ULK2: variants seen among roughly 807,000 people sequenced by gnomAD.
ULK2 encodes the protein unc-51 like autophagy activating kinase 2, also known as serine/threonine-protein kinase ULK2.
In ULK2, 76 loss-of-function variants were observed where a neutral mutation model predicts 127.5. The ratio of observed to expected loss-of-function variants is 0.60; its 90% CI spans 0.50 to 0.72. The LOEUF is 0.72. Ranked by LOEUF, ULK2 falls within the 30% of genes least tolerant of loss-of-function variation. ULK2 has a pLI of 0.00. For missense variants in ULK2, 1,144 were observed against 1,295.9 expected (o/e 0.88, Z 1.80); for synonymous variants, 452 against 461.9 (o/e 0.98, Z 0.28).
intron 14 of ULK2, among the ~76,000 whole-genome samples, chr17:19,807,774 C>T (rs1457276048): frequency 6.6e-6 from 1 of 152,142 alleles, no homozygotes; most frequent in East Asian, 1.9e-4. Flanking sequence ...ATTTGCTTAT[C>T]CCCGTGGTTC....
chr17:19,804,493 TATC>T (rs1198906677), intron 15 of ULK2, among the ~76,000 whole-genome samples, 197 bp downstream of exon 15: 3 of 151,902 alleles, frequency 2.0e-5, no homozygotes, highest in Non-Finnish European at 2.9e-5. Context: ...AATATATACA[TATC>T]ATACTATATT....
Position 19,829,548 on chromosome 17 carries a change from A to AAGGGGGGGG in ULK2, c.788-3363_788-3362insCCCCCCCCT. ...TGAGACCCTGTCAAGGAAAAAAAAA[A>AAGGGGGGGG]GGGGGGGGGCTGGGCACGGTAGCTC... is the stretch of plus-strand genomic sequence containing the variant. On this transcript the variant is annotated intron_variant, in intron 10 of 26. Transcript: ENST00000395544. 3.7e-3 allele frequency among the ~76,000 whole-genome samples: 95 copies of AAGGGGGGGG among 25,508 alleles called. 16 individuals are homozygous for AAGGGGGGGG. Among genetic ancestry groups the AAGGGGGGGG allele is most frequent in the Non-Finnish European group, 5.5e-3 (63 of 11,450 alleles). 16.7% of individuals were successfully genotyped at this position (25,508 alleles called of 152,430 possible). A position where few individuals can be genotyped will look rare whatever the true frequency, so the allele number is the denominator to read the frequency against.
intron 17 of ULK2, among the ~76,000 whole-genome samples, chr17:19,798,961 G>T (rs2087335045): frequency 6.6e-6 from 1 of 151,900 alleles, no homozygotes. Context: ...AGGAGTTCGA[G>T]ACTAGCCTGG....
intron 1 of ULK2, among the ~76,000 whole-genome samples, chr17:19,866,483 C>A (rs1281524516): frequency 6.6e-6 from 1 of 151,966 alleles, no homozygotes. Context: ...ACTCCAGCCT[C>A]GGCGACAAAG....
At chr17:19,862,778 T>C (rs2042270342) in intron 3 of ULK2, among the ~76,000 whole-genome samples, 3 of 152,104 alleles carry the variant, frequency 2.0e-5, no homozygotes, top group Non-Finnish European at 2.9e-5. Flanking sequence ...AAAATGACAG[T>C]ATTTTTTAAA....
chr17:19,785,560 C>T (rs1021768670), intron 21 of ULK2, among the ~76,000 whole-genome samples: 4 of 151,650 alleles, frequency 2.6e-5, no homozygotes, highest in South Asian at 2.1e-4. Context: ...AAAACCAAAC[C>T]TATAATTTTC....
Position 19,796,081 on chromosome 17 carries a change from A to G in ULK2, c.1997+14T>C. 1 of 1,592,454 alleles carries G rather than the reference A, an allele frequency of 6.3e-7. No individual in the cohort carries two copies. Among genetic ancestry groups the G allele is most frequent in the Non-Finnish European group, 8.5e-7 (1 of 1,172,030 alleles). ...GTTTTCATGTTTAATGCTAGAATGG[A>G]AACAGTCTTTTACCTGCCAAACACT... is the stretch of plus-strand genomic sequence containing the variant. On this transcript the variant is annotated intron_variant, in intron 19 of 26. Transcript: ENST00000395544.
At chr17:19,829,838 C>CAAA (rs60131689) in intron 10 of ULK2, among the ~76,000 whole-genome samples, 11 of 120,572 alleles carry the variant, frequency 9.1e-5, no homozygotes, top group African/African-American at 3.2e-4. Flanking sequence ...GACTCCATTT[C>CAAA]AAAAAAAAAA....
At chr17:19,823,262 A>G (rs1285226273) in intron 12 of ULK2, among the ~76,000 whole-genome samples, 3 of 151,838 alleles carry the variant, frequency 2.0e-5, no homozygotes, top group Admixed American at 6.6e-5. Context: ...ACATCTAAAA[A>G]AGACTTTCTC....
chr17:19,806,589 G>A lies in ULK2; in HGVS notation c.1158-1759C>T, dbSNP rs191650922. On this transcript the variant is annotated intron_variant, in intron 14 of 26. Coordinates refer to ENST00000395544, the MANE Select transcript of ULK2 (RefSeq NM_014683.4). ...GGACCTGCAAGCAGACTTGCTCAGG[G>A]TCTAGAAAGTCTTCCCTGGACAAAT... Among the ~76,000 whole-genome samples, 100 of 152,294 alleles carry A rather than the reference G, an allele frequency of 6.6e-4. 2 individuals carry two copies. The highest frequency in any genetic ancestry group is 1.2e-4 in the Non-Finnish European group (8 of 68,030).
chr17:19,825,212 C>A, intron 11 of ULK2, 30 bp from the exon 12 acceptor site: 1 of 1,587,042 alleles, frequency 6.3e-7, no homozygotes, highest in Non-Finnish European at 8.6e-7. Context: ...TGAACTACAT[C>A]ATTTTGTAGT....
chr17:19,839,832 A>G (rs2041694573), intron 9 of ULK2, among the ~76,000 whole-genome samples: 1 of 152,138 alleles, frequency 6.6e-6, no homozygotes, highest in Non-Finnish European at 1.5e-5. Context: ...AATGAGGGAA[A>G]AGGAGCAGTC....
At chr17:19,846,678 G>T in intron 6 of ULK2, 59 bp downstream of exon 6, 1 of 1,449,428 alleles carries the variant, frequency 6.9e-7, no homozygotes, top group Non-Finnish European at 9.2e-7. Context: ...CAAAGCTAAA[G>T]TTGTCTAAAA....
At chr17:19,816,603 A>C in intron 13 of ULK2, 146 bp downstream of exon 13, 1 of 708,830 alleles carries the variant, frequency 1.4e-6, no homozygotes, top group South Asian at 5.1e-5. Flanking sequence ...AAAGGTAGGA[A>C]TATAATTCTG....
Position 19,826,182 on chromosome 17 carries a change from T to A in ULK2, c.792A>T (p.Ala264=). Residue 264 remains alanine, a synonymous_variant, in exon 11 of 27, where the codon GCA becomes GCT. Coordinates refer to ENST00000395544, the MANE Select transcript of ULK2 (RefSeq NM_014683.4). ...GCTCAAGAAAAGGATGGCTAAAAAATGCTTCTGTAACAAGAAATGAGAATG... is the reference window on the plus strand; with the variant it reads ...GCTCAAGAAAAGGATGGCTAAAAAAAGCTTCTGTAACAAGAAATGAGAATG... ...RNQKDRMDFE[A]FFSHPFLEQG... 2 of 1,462,452 alleles carry A rather than the reference T, an allele frequency of 1.4e-6. No homozygotes were observed. Among genetic ancestry groups the A allele is most frequent in the Middle Eastern group, 1.8e-4 (1 of 5,540 alleles). 90.6% of individuals were successfully genotyped at this position (1,462,452 alleles called of 1,614,324 possible).
At chr17:19,840,173 G>T in intron 9 of ULK2, 1 of 476,280 alleles carries the variant, frequency 2.1e-6, no homozygotes, top group South Asian at 1.5e-5. Flanking sequence ...CTGTGCCCCC[G>T]ACCCTCAACC....
chr17:19,837,706 A>C (rs759556456), intron 10 of ULK2, among the ~76,000 whole-genome samples: 13 of 152,090 alleles, frequency 8.5e-5, no homozygotes, highest in Non-Finnish European at 1.8e-4. Context: ...CCTCACATTC[A>C]ATCTATCAGT....
intron 3 of ULK2, among the ~76,000 whole-genome samples, chr17:19,851,949 G>C (rs534168931): frequency 6.6e-6 from 1 of 151,112 alleles, no homozygotes; most frequent in Non-Finnish European, 1.5e-5. Context: ...AGGAGGCTGA[G>C]GCAGGAGAAT....
intron 3 of ULK2, among the ~76,000 whole-genome samples, chr17:19,856,487 C>A (rs2042128847): frequency 6.6e-6 from 1 of 150,756 alleles, no homozygotes; most frequent in Non-Finnish European, 1.5e-5. Context: ...GAGGCTAAGG[C>A]AGGAGAATGA....
Sources: allele counts gnomAD v4.1 joint callset (sites outside exome capture counted in the v4.1 genomes callset), GRCh38; gene constraint gnomAD v4.1.1; transcripts MANE v1.5; gene names NCBI Gene and HGNC (gene_info 2026-07-23, HGNC 2026-07-21).